JADE3: variants seen among roughly 807,000 people sequenced by gnomAD.
The protein encoded by JADE3 is protein Jade-3.
In JADE3, 2 loss-of-function variants were observed where a neutral mutation model predicts 50.1. The observed-to-expected ratio is 0.04, with a 90% CI of 0.02 to 0.13. JADE3 has a LOEUF of 0.13. Ranked by LOEUF, JADE3 falls within the 10% of genes least tolerant of loss-of-function variation. The pLI is 1.00. For missense variants in JADE3, 475 were observed against 634.4 expected, an observed-to-expected ratio of 0.75 and a Z score of 2.70; for synonymous variants, 218 against 232.9, an observed-to-expected ratio of 0.94 and a Z score of 0.58.
At chrX:47,003,842 A>G (rs1485634051) in intron 4 of JADE3, among the ~76,000 whole-genome samples, 1 of 101,623 alleles carries the variant, frequency 9.8e-6, no homozygotes, top group Non-Finnish European at 2.0e-5. Context: ...ATATATTTAT[A>G]AATTTATATA....
Position 46,995,615 on chromosome X carries a change from T to C in JADE3, c.127-2505T>C, listed in dbSNP as rs781832825. 1.2e-4 allele frequency among the ~76,000 whole-genome samples: 14 copies of C among 112,435 alleles called. No homozygotes were observed. In the South Asian group the frequency reaches 5.1e-3, roughly 41 times the overall value. ...CACTAATCGGGATTTGCTATAGTTA[T>C]TTTGTTTTCAGTTCAAAAACTTTAA... On this transcript the variant is annotated intron_variant, in intron 3 of 10. Transcript: ENST00000614628.
rs201053091 is a variant in JADE3 at position 47,054,209 on chromosome X, C to T, written c.1024C>T (p.His342Tyr). The T allele has an allele frequency of 1.7e-6, 2 of 1,209,576 alleles. No individual in the cohort carries two copies. The highest frequency in any genetic ancestry group is 2.2e-6 in the Non-Finnish European group (2 of 894,542). The change falls in exon 9 of 11, where the codon CAC becomes TAC. Residue 342 changes from histidine to tyrosine, a missense_variant. By Grantham distance (83) the His-to-Tyr change is moderately conservative (BLOSUM62 2). This residue lies in a region of JADE3 where 81 missense variants were observed against 123.8 expected (regional missense o/e 0.65). Transcript: ENST00000614628. ...TAFHVTCAFE[H>Y]GLEMKTILDE... ...CTTCCACGTCACCTGTGCCTTTGAGCACGGCCTAGAGATGAAGACCATCCT... is the reference window on the plus strand; with the variant it reads ...CTTCCACGTCACCTGTGCCTTTGAGTACGGCCTAGAGATGAAGACCATCCT...
intron 1 of JADE3, among the ~76,000 whole-genome samples, chrX:46,972,766 A>T (rs1927527802): frequency 9.0e-6 from 1 of 111,069 alleles, no homozygotes; most frequent in Non-Finnish European, 1.9e-5. Flanking sequence ...TGCCTGGCTA[A>T]TTTTTGTATT....
intron 1 of JADE3, among the ~76,000 whole-genome samples, chrX:46,923,338 G>A (rs1476237553): frequency 1.0e-5 from 1 of 97,559 alleles, no homozygotes; most frequent in Non-Finnish European, 2.1e-5. Flanking sequence ...TTGATATTGG[G>A]TTTGTTTTGT....
intron 1 of JADE3, among the ~76,000 whole-genome samples, chrX:46,914,356 C>T (rs781967617): frequency 4.6e-4 from 52 of 112,005 alleles, no homozygotes; most frequent in African/African-American, 1.7e-3. Context: ...GTGTGGTTCT[C>T]ATGCTTTTGT....
intron 1 of JADE3, among the ~76,000 whole-genome samples, chrX:46,973,038 G>T (rs782244867): frequency 1.8e-5 from 2 of 112,444 alleles, no homozygotes; most frequent in African/African-American, 6.5e-5. Context: ...TTCCTATCTG[G>T]TCCTTTACAG....
chrX:47,045,690 ATTATC>A (rs1160064398), intron 8 of JADE3, among the ~76,000 whole-genome samples: 1 of 112,413 alleles, frequency 8.9e-6, no homozygotes, highest in Non-Finnish European at 1.9e-5. Context: ...GAAATCATCA[ATTATC>A]TTCTCTGGCC....
At chrX:46,927,530 A>T (rs1556339152) in intron 1 of JADE3, among the ~76,000 whole-genome samples, 1 of 112,016 alleles carries the variant, frequency 8.9e-6, no homozygotes, top group Non-Finnish European at 1.9e-5. Context: ...TTGCCCTGTC[A>T]ACACTGAAGA....
intron 1 of JADE3, among the ~76,000 whole-genome samples, chrX:46,936,400 G>T (rs1258054846): frequency 9.0e-6 from 1 of 111,613 alleles, no homozygotes; most frequent in East Asian, 2.8e-4. Context: ...ATATTTTGTT[G>T]GAGGTGTTTG....
At chrX:47,058,064 T>C in intron 10 of JADE3, 103 bp from the exon 11 acceptor site, 2 of 667,195 alleles carry the variant, frequency 3.0e-6, no homozygotes, top group East Asian at 3.3e-5. Flanking sequence ...GCCAGGTGCT[T>C]GTTAAACATT....
At chrX:47,001,495 C>T (rs1195868255) in intron 4 of JADE3, among the ~76,000 whole-genome samples, 1 of 111,727 alleles carries the variant, frequency 9.0e-6, no homozygotes, top group Non-Finnish European at 1.9e-5. Context: ...TATAAGCCAG[C>T]CATATTGGAG....
intron 7 of JADE3, among the ~76,000 whole-genome samples, chrX:47,037,986 A>G (rs1449191240): frequency 4.5e-5 from 5 of 110,485 alleles, no homozygotes; most frequent in East Asian, 5.7e-4. Context: ...CCTACAGTCT[A>G]TCTCCTTGAG....
At chrX:46,956,972 C>T (rs1927138343) in intron 1 of JADE3, among the ~76,000 whole-genome samples, 1 of 109,221 alleles carries the variant, frequency 9.2e-6, no homozygotes, top group Non-Finnish European at 1.9e-5. Flanking sequence ...CAGATGTGCA[C>T]CACCACTTCC....
chrX:46,962,982 G>A (rs1252528349), intron 1 of JADE3, among the ~76,000 whole-genome samples: 6 of 110,561 alleles, frequency 5.4e-5, no homozygotes, highest in African/African-American at 2.0e-4. Context: ...GGGATTATGC[G>A]TGCCTGCCGC....
At chrX:46,969,153 C>A (rs1028875856) in intron 1 of JADE3, among the ~76,000 whole-genome samples, 1 of 112,708 alleles carries the variant, frequency 8.9e-6, no homozygotes, top group Non-Finnish European at 1.9e-5. Context: ...TGGTGGCTCA[C>A]GCCTCTAATC....
intron 3 of JADE3, among the ~76,000 whole-genome samples, chrX:46,986,416 TGTGA>T (rs1283538406): frequency 8.9e-6 from 1 of 112,332 alleles, no homozygotes; most frequent in African/African-American, 3.2e-5. Context: ...ATCTTCACAC[TGTGA>T]TTTCATTTTG....
chrX:47,001,800 T>C (rs1240360043), intron 4 of JADE3, among the ~76,000 whole-genome samples: 1 of 112,165 alleles, frequency 8.9e-6, no homozygotes, highest in Non-Finnish European at 1.9e-5. Flanking sequence ...TTCAGGCCTA[T>C]TTAGATACCC....
In JADE3 at chrX:47,029,641, C is replaced by A. The variant is rs1429314302; in HGVS notation, c.687+1538C>A. 1.1e-4 allele frequency among the ~76,000 whole-genome samples: 12 copies of A among 111,983 alleles called. No individual in the cohort carries two copies. In the Admixed American group the frequency reaches 1.1e-3, roughly 11 times the overall value. On this transcript the variant is annotated intron_variant, in intron 6 of 10. Transcript: ENST00000614628. ...TAATTCCCTGGGCCTCTTAACCTAA[C>A]CACCCTGTATGTAAAAGGTACTCAG...
chrX:47,037,122 G>GA (rs1294094080), intron 7 of JADE3, among the ~76,000 whole-genome samples: 24 of 100,279 alleles, frequency 2.4e-4, no homozygotes, highest in East Asian at 3.1e-4. Context: ...AAAAAAAAAG[G>GA]AAAAAAAAAA....
Sources: gnomAD v4.1 joint callset for allele counts (sites outside exome capture counted in the v4.1 genomes callset) on GRCh38, gnomAD v4.1.1 for gene constraint, gnomAD v4.1.1 regional missense constraint, MANE v1.5 for transcripts, NCBI Gene and HGNC (gene_info 2026-07-23, HGNC 2026-07-21) for gene names.